Variants in SP1 observed in about 807,000 individuals in gnomAD.
The protein encoded by SP1 is transcription factor Sp1.
In SP1, 6 loss-of-function variants were observed where a neutral mutation model predicts 66.3. The ratio of observed to expected loss-of-function variants is 0.09; its 90% CI spans 0.05 to 0.18. The LOEUF (loss-of-function observed/expected upper bound fraction) is 0.18. Ranked by LOEUF, SP1 falls within the 10% of genes least tolerant of loss-of-function variation. The probability of loss-of-function intolerance (pLI) is 1.00; values close to 1 mark genes in which losing one functional copy is unlikely to be tolerated. For synonymous variants in SP1, 417 were observed against 360.8 expected (o/e 1.16, Z -1.77); for missense variants, 848 against 964.5 (o/e 0.88, Z 1.60).
At chr12:53,390,519 CTAAAA>C (rs1193203550) in intron 3 of SP1, among the ~76,000 whole-genome samples, 1 of 152,082 alleles carries the variant, frequency 6.6e-6, no homozygotes, top group Non-Finnish European at 1.5e-5. Flanking sequence ...CCCGTCTCTA[CTAAAA>C]TACAAAAAAT....
intron 1 of SP1, chr12:53,381,401 T>C: frequency 3.3e-6 from 1 of 305,748 alleles, no homozygotes; most frequent in Middle Eastern, 9.2e-4. Flanking sequence ...ACATTTCCTA[T>C]CCCCAAAGCA....
chr12:53,402,561 G>T (rs562990131), intron 3 of SP1, among the ~76,000 whole-genome samples: 2 of 151,904 alleles, frequency 1.3e-5, no homozygotes, highest in African/African-American at 4.8e-5. Flanking sequence ...GAAGGAGGCC[G>T]GGCAAGGTGG....
intron 3 of SP1, among the ~76,000 whole-genome samples, chr12:53,403,659 A>G (rs1402979350): frequency 6.6e-6 from 1 of 152,074 alleles, no homozygotes; most frequent in Non-Finnish European, 1.5e-5. Flanking sequence ...CTTCCCAGAC[A>G]TATTAAATAT....
chr12:53,395,768 C>G (rs1171813281), intron 3 of SP1, among the ~76,000 whole-genome samples: 1 of 150,972 alleles, frequency 6.6e-6, no homozygotes, highest in Non-Finnish European at 1.5e-5. Flanking sequence ...GAGATCGAGA[C>G]CATCCTGGCT....
chr12:53,394,836 A>G (rs1001066202), intron 3 of SP1, among the ~76,000 whole-genome samples: 1 of 151,022 alleles, frequency 6.6e-6, no homozygotes, highest in Non-Finnish European at 1.5e-5. Flanking sequence ...GGATGATCTC[A>G]ATCTCCTGAC....
chr12:53,407,216 C>T (rs1450033801), intron 4 of SP1, among the ~76,000 whole-genome samples: 1 of 151,454 alleles, frequency 6.6e-6, no homozygotes, highest in Non-Finnish European at 1.5e-5. Flanking sequence ...ATCACTTCAG[C>T]CCAGGAGTTT....
At chr12:53,384,995 T>TA (rs1347792083) in intron 3 of SP1, among the ~76,000 whole-genome samples, 1 of 118,532 alleles carries the variant, frequency 8.4e-6, no homozygotes, top group Non-Finnish European at 1.7e-5. Context: ...AAAAAAAAAA[T>TA]ACAAAAATTA....
chr12:53,408,276 G>A (rs772086877), intron 4 of SP1, among the ~76,000 whole-genome samples: 12 of 138,822 alleles, frequency 8.6e-5, no homozygotes, highest in Non-Finnish European at 1.4e-4. Context: ...CGCTCTTGTT[G>A]CCCAGGCTGG....
chr12:53,384,859 C>T (rs1938190717), intron 3 of SP1, among the ~76,000 whole-genome samples: 1 of 152,052 alleles, frequency 6.6e-6, no homozygotes. Context: ...GTGGTACATG[C>T]CTATGGGCCC....
At chr12:53,401,050 T>C (rs1015041068) in intron 3 of SP1, among the ~76,000 whole-genome samples, 1 of 152,046 alleles carries the variant, frequency 6.6e-6, no homozygotes, top group Admixed American at 6.6e-5. Flanking sequence ...ATTGCAGGCA[T>C]GAGCCACCTC....
At chr12:53,391,705 C>T (rs1449901055) in intron 3 of SP1, among the ~76,000 whole-genome samples, 9 of 151,186 alleles carry the variant, frequency 6.0e-5, no homozygotes, top group Admixed American at 5.4e-4. Context: ...TACCCGGGTC[C>T]GGTCATGAGC....
Position 53,411,043 on chromosome 12 carries a change from G to C in SP1, c.2161G>C (p.Val721Leu). The C allele has an allele frequency of 6.2e-7, 1 of 1,614,226 alleles. No homozygotes were observed. The highest frequency in any genetic ancestry group is 1.1e-5 in the South Asian group (1 of 91,088). The change falls in exon 6 of 6, where the codon GTG becomes CTG. Residue 721 changes from valine to leucine, a missense_variant. This residue lies in a region of SP1 where 73 missense variants were observed against 91.9 expected (regional missense o/e 0.79). Coordinates refer to ENST00000327443, the MANE Select transcript of SP1 (RefSeq NM_138473.3). ...GGGAGGCCCAGGTGTAGCTCTGAGT[G>C]TGGGCACTTTGCCCCTGGACAGTGG... is the stretch of plus-strand genomic sequence containing the variant. ...KKGGPGVALS[V>L]GTLPLDSGAG... is the part of the protein sequence containing the mutation.
In SP1 at chr12:53,404,678, A is replaced by T. The variant is rs547200529; in HGVS notation, c.1676-1907A>T. Among the ~76,000 whole-genome samples the T allele has an allele frequency of 2.1e-4, 32 of 152,062 alleles. 1 individual carries two copies. Among genetic ancestry groups the T allele is most frequent in the African/African-American group, 7.0e-4 (29 of 41,472 alleles). ...TAGCATACACTGTTTATTTATATAT[A>T]TTTTTTTGAGTTGGAATCTTGTTCT... On this transcript the variant is annotated intron_variant, in intron 3 of 5. Coordinates refer to ENST00000327443, the MANE Select transcript of SP1 (RefSeq NM_138473.3).
intron 3 of SP1, among the ~76,000 whole-genome samples, chr12:53,384,444 C>G (rs1938180985): frequency 6.6e-6 from 1 of 151,804 alleles, no homozygotes; most frequent in African/African-American, 2.4e-5. Flanking sequence ...ACCACCACGC[C>G]CAGCTAATCT....
At chr12:53,405,260 G>A (rs1565816541) in intron 3 of SP1, among the ~76,000 whole-genome samples, 2 of 152,126 alleles carry the variant, frequency 1.3e-5, no homozygotes, top group Admixed American at 6.6e-5. Flanking sequence ...GTTACAGGCA[G>A]AACCACATGT....
intron 3 of SP1, among the ~76,000 whole-genome samples, chr12:53,393,426 A>G (rs1938401333): frequency 6.6e-6 from 1 of 151,862 alleles, no homozygotes. Context: ...CTGGGATTAC[A>G]GGCAAGCACC....
chr12:53,380,781 C>A, intron 1 of SP1: 1 of 447,546 alleles, frequency 2.2e-6, no homozygotes, highest in Non-Finnish European at 2.9e-6. Flanking sequence ...CCCCTCACCC[C>A]GAAACCGCCC....
intron 3 of SP1, among the ~76,000 whole-genome samples, chr12:53,393,260 G>A (rs1479992543): frequency 6.6e-6 from 1 of 152,170 alleles, no homozygotes; most frequent in Non-Finnish European, 1.5e-5. Flanking sequence ...ACCAACCTGG[G>A]CAACATAGTG....
In SP1 at chr12:53,382,674, A is replaced by G. The variant is rs747210955; in HGVS notation, c.727A>G (p.Asn243Asp). 1.2e-6 allele frequency: 2 copies of G among 1,614,166 alleles called. No homozygotes were observed. The highest frequency in any genetic ancestry group is 1.3e-5 in the African/African-American group (1 of 75,046). ...QQAVPLQGLA[N>D]NVLSGQTQYV... ...GGCTGTCCCCCTCCAAGGCCTGGCT[A>G]ATAATGTACTCTCAGGACAGACTCA... Residue 243 changes from asparagine to aspartate, a missense_variant, in exon 3 of 6, where the codon AAT becomes GAT. By Grantham distance (23) the Asn-to-Asp change is conservative. Coordinates refer to ENST00000327443, the MANE Select transcript of SP1 (RefSeq NM_138473.3).
Sources: allele counts gnomAD v4.1 joint callset (sites outside exome capture counted in the v4.1 genomes callset), GRCh38; gene constraint gnomAD v4.1.1; regional missense constraint gnomAD v4.1.1; transcripts MANE v1.5; gene names NCBI Gene and HGNC (gene_info 2026-07-23, HGNC 2026-07-21).